MARK4: variants seen among roughly 807,000 people sequenced by gnomAD.
The protein encoded by MARK4 is microtubule affinity regulating kinase 4.
MARK4 carries 19 observed loss-of-function variants against 81.5 expected under a neutral mutation model. The ratio of observed to expected loss-of-function variants is 0.23; its 90% CI spans 0.16 to 0.34. The LOEUF is 0.34. Among genes scored for constraint, MARK4 ranks in the 10% least tolerant of loss-of-function variants. MARK4 has a pLI of 1.00. For missense variants in MARK4, 772 were observed against 1,058.8 expected (o/e 0.73, Z 3.76); for synonymous variants, 436 against 439.0 (o/e 0.99, Z 0.08).
chr19:45,255,733 G>A (rs369134494), intron 1 of MARK4, among the ~76,000 whole-genome samples: 4 of 152,290 alleles, frequency 2.6e-5, no homozygotes, highest in East Asian at 3.9e-4. Flanking sequence ...CAAGTGGCCC[G>A]GCAGTGTCTT....
rs867047339 is a variant in MARK4, at chr19:45,276,571, T to G, written c.787-1352T>G. Reference sequence around the variant, plus strand: ...CCTTCCCCTTGAGTGAATCTCATATTTACATACCGCTCTCTGGCTCTGGGC... The same window carrying G: ...CCTTCCCCTTGAGTGAATCTCATATGTACATACCGCTCTCTGGCTCTGGGC... On this transcript the variant is annotated intron_variant, in intron 8 of 16. Coordinates refer to ENST00000262891, the MANE Select transcript of MARK4 (RefSeq NM_001199867.2). Among the ~76,000 whole-genome samples, 5 of 151,812 alleles carry G rather than the reference T, an allele frequency of 3.3e-5. No individual in the cohort carries two copies. In the Middle Eastern group the frequency reaches 0.014, roughly 422 times the overall value.
chr19:45,254,610 G>A (rs181350013), intron 1 of MARK4, among the ~76,000 whole-genome samples: 96 of 152,332 alleles, frequency 6.3e-4, no homozygotes, highest in African/African-American at 2.1e-3. Flanking sequence ...GGGTGTCCCC[G>A]TCTGAAGACT....
intron 14 of MARK4, 117 bp from the exon 15 acceptor site, chr19:45,297,559 C>CTT (rs1415040243): frequency 6.3e-6 from 4 of 631,518 alleles, no homozygotes; most frequent in South Asian, 3.9e-5. Flanking sequence ...AGCCCTGTCT[C>CTT]TGAGTTCCAG....
At chr19:45,256,200 G>A (rs1970305989) in intron 1 of MARK4, among the ~76,000 whole-genome samples, 1 of 152,178 alleles carries the variant, frequency 6.6e-6, no homozygotes, top group South Asian at 2.1e-4. Flanking sequence ...CACTTTGGGA[G>A]GCCGAGGTGG....
At chr19:45,264,770 G>C (rs768415318) in intron 5 of MARK4, 21 bp downstream of exon 5, 1 of 1,613,804 alleles carries the variant, frequency 6.2e-7, no homozygotes, top group Non-Finnish European at 8.5e-7. Context: ...CACCCTCTCC[G>C]CCCTGCCCCT....
chr19:45,266,160 A>G, intron 6 of MARK4, 65 bp from the exon 7 acceptor site: 1 of 1,536,272 alleles, frequency 6.5e-7, no homozygotes, highest in South Asian at 1.1e-5. Flanking sequence ...GTGGTTTCAC[A>G]GTCCACTGAG....
chr19:45,301,424 C>T (rs75018291), intron 16 of MARK4, among the ~76,000 whole-genome samples: 1 of 151,738 alleles, frequency 6.6e-6, no homozygotes, highest in African/African-American at 2.4e-5. Context: ...ATTAGCTGGC[C>T]GTGGTGCCTG....
chr19:45,273,765 C>T (rs1339627250), intron 8 of MARK4, among the ~76,000 whole-genome samples: 3 of 152,222 alleles, frequency 2.0e-5, no homozygotes, highest in Non-Finnish European at 4.4e-5. Flanking sequence ...TCCTGCTCTG[C>T]GTTGCCCGTG....
At chr19:45,257,689 A>ATT (rs71173133) in intron 1 of MARK4, among the ~76,000 whole-genome samples, 41 of 86,176 alleles carry the variant, frequency 4.8e-4, no homozygotes, top group African/African-American at 1.2e-3. Flanking sequence ...GGCCCATAAT[A>ATT]TTTTTTTTTT....
At chr19:45,266,471 AGATGGGGGAGCG>A (rs1449325599) in intron 7 of MARK4, among the ~76,000 whole-genome samples, 190 bp downstream of exon 7, 1 of 152,044 alleles carries the variant, frequency 6.6e-6, no homozygotes, top group Non-Finnish European at 1.5e-5. Context: ...CAAGGCCAGC[AGATGGGGGAGCG>A]GATGGGGGGG....
At chr19:45,257,988 CTTTTTTT>C (rs750146000) in intron 1 of MARK4, among the ~76,000 whole-genome samples, 2 of 131,678 alleles carry the variant, frequency 1.5e-5, no homozygotes, top group Non-Finnish European at 3.2e-5. Context: ...CATGCCTGGC[CTTTTTTT>C]TTTTTTTTTA....
chr19:45,259,455 G>A (rs995996583), intron 2 of MARK4, among the ~76,000 whole-genome samples: 15 of 152,146 alleles, frequency 9.9e-5, no homozygotes, highest in African/African-American at 3.4e-4. Context: ...GATGCATGTG[G>A]CTTTTGTAGA....
chr19:45,295,554 C>A (rs536047685), intron 14 of MARK4, among the ~76,000 whole-genome samples: 14 of 152,024 alleles, frequency 9.2e-5, no homozygotes, highest in Non-Finnish European at 2.1e-4. Context: ...GTGGGCAGAT[C>A]ACCTGAGGTC....
chr19:45,266,823 C>T (rs1370998089), intron 7 of MARK4, among the ~76,000 whole-genome samples: 3 of 151,082 alleles, frequency 2.0e-5, no homozygotes, highest in African/African-American at 7.3e-5. Context: ...AGCTCCGCCT[C>T]CTGGGTTCAC....
intron 7 of MARK4, among the ~76,000 whole-genome samples, chr19:45,268,642 G>T (rs1970486552): frequency 6.6e-6 from 1 of 151,832 alleles, no homozygotes; most frequent in East Asian, 1.9e-4. Context: ...CTACTCAGGA[G>T]GCTGAGGCAG....
chr19:45,251,573 C>CCCCCCCCCCCCCCCCCCCCCCA lies in MARK4; in HGVS notation c.-15_-14insCCCCCCCCCCCCCCCCCCCCAC. 1 of 1,385,886 alleles carries CCCCCCCCCCCCCCCCCCCCCCA rather than the reference C, an allele frequency of 7.2e-7. No individual in the cohort carries two copies. The highest frequency in any genetic ancestry group is 9.4e-7 in the Non-Finnish European group (1 of 1,064,832). The allele number at this position is 1,385,886 out of a possible 1,614,324, so 85.8% of individuals were successfully genotyped here. A position where few individuals can be genotyped will look rare whatever the true frequency, so the allele number is the denominator to read the frequency against. ...CCCCCCACCCGGCCGCCCCTGCCCC[C>CCCCCCCCCCCCCCCCCCCCCCA]CGGGACCCGGAGAAGATGTCTTCGC... is the stretch of plus-strand genomic sequence containing the variant. On this transcript the variant is annotated 5_prime_UTR_variant, in exon 1 of 17. Coordinates refer to ENST00000262891, the MANE Select transcript of MARK4 (RefSeq NM_001199867.2).
intron 1 of MARK4, among the ~76,000 whole-genome samples, chr19:45,256,123 A>G (rs1461164360): frequency 2.6e-5 from 4 of 152,214 alleles, no homozygotes; most frequent in Non-Finnish European, 5.9e-5. Flanking sequence ...GGATTCAACC[A>G]GGTCTCAGGG....
chr19:45,277,900 C>A (rs1158297148), intron 8 of MARK4, 23 bp from the exon 9 acceptor site: 5 of 1,603,582 alleles, frequency 3.1e-6, no homozygotes, highest in Non-Finnish European at 4.3e-6. Context: ...AGACCCCCTC[C>A]TCCAGTAACC....
intron 4 of MARK4, 84 bp downstream of exon 4, chr19:45,263,451 T>C (rs1970406154): frequency 7.7e-6 from 12 of 1,568,174 alleles, no homozygotes; most frequent in Non-Finnish European, 7.9e-6. Flanking sequence ...GTTAGAATAG[T>C]TGGAGACCCA....
Sources: allele counts gnomAD v4.1 joint callset (sites outside exome capture counted in the v4.1 genomes callset), GRCh38; gene constraint gnomAD v4.1.1; transcripts MANE v1.5; gene names NCBI Gene and HGNC (gene_info 2026-07-23, HGNC 2026-07-21).